Variants in LRFN5 observed in about 807,000 individuals in gnomAD.
The protein encoded by LRFN5 is leucine-rich repeat and fibronectin type-III domain-containing protein 5.
In LRFN5, 24 loss-of-function variants were observed where a neutral mutation model predicts 45.6. That is an observed-to-expected ratio of 0.53 (90% CI 0.38 to 0.74). The LOEUF (loss-of-function observed/expected upper bound fraction) is 0.74. Ranked by LOEUF, LRFN5 falls within the 30% of genes least tolerant of loss-of-function variation. The pLI, the probability that LRFN5 is intolerant of heterozygous loss-of-function variation, is 0.00. For synonymous variants in LRFN5, 340 were observed against 313.8 expected (o/e 1.08, Z -0.88); for missense variants, 776 against 861.5 (o/e 0.90, Z 1.24).
intron 2 of LRFN5, among the ~76,000 whole-genome samples, chr14:41,884,134 A>G (rs1469445490): frequency 6.6e-6 from 1 of 152,146 alleles, no homozygotes; most frequent in African/African-American, 2.4e-5. Context: ...TTTCAGTTTA[A>G]CAAGACTGTT....
intron 1 of LRFN5, among the ~76,000 whole-genome samples, chr14:41,617,213 C>T (rs1012581553): frequency 1.3e-5 from 2 of 152,056 alleles, no homozygotes; most frequent in Non-Finnish European, 2.9e-5. Context: ...TCATCTTCAT[C>T]ATATTCTGAG....
At chr14:41,777,982 A>G (rs897445523) in intron 2 of LRFN5, among the ~76,000 whole-genome samples, 1 of 141,462 alleles carries the variant, frequency 7.1e-6, no homozygotes, top group Admixed American at 7.3e-5. Context: ...AGAACCATTA[A>G]GAAGATGCAT....
chr14:41,894,189 G>C, intron 4 of LRFN5: 2 of 985,124 alleles, frequency 2.0e-6, no homozygotes. Flanking sequence ...CAAAGATAAG[G>C]ATGCTCTGAA....
intron 2 of LRFN5, among the ~76,000 whole-genome samples, chr14:41,772,800 C>A (rs775566233): frequency 1.3e-5 from 2 of 152,100 alleles, no homozygotes; most frequent in Non-Finnish European, 2.9e-5. Flanking sequence ...ATCATTTTGT[C>A]ATCTTTCTCA....
chr14:41,666,173 A>G (rs1445598017), intron 1 of LRFN5, among the ~76,000 whole-genome samples: 1 of 152,020 alleles, frequency 6.6e-6, no homozygotes, highest in Non-Finnish European at 1.5e-5. Flanking sequence ...GAATTTGTCT[A>G]GGTACCTTTG....
chr14:41,627,187 C>A (rs557547386), intron 1 of LRFN5, among the ~76,000 whole-genome samples: 50 of 151,784 alleles, frequency 3.3e-4, no homozygotes, highest in African/African-American at 1.2e-3. Flanking sequence ...TTAGCGTGTA[C>A]AATTTAGTGG....
At chr14:41,903,561 A>G (rs1891161865) in intron 5 of LRFN5, among the ~76,000 whole-genome samples, 1 of 151,746 alleles carries the variant, frequency 6.6e-6, no homozygotes, top group Non-Finnish European at 1.5e-5. Flanking sequence ...AAATATTTTT[A>G]TAAAATGGCT....
chr14:41,831,163 C>T (rs998294270), intron 2 of LRFN5, among the ~76,000 whole-genome samples: 2 of 152,090 alleles, frequency 1.3e-5, no homozygotes, highest in Admixed American at 1.3e-4. Context: ...ACATGCTAAC[C>T]TTCTCTCCAA....
At chr14:41,684,004 G>GAAA (rs1482427419) in intron 1 of LRFN5, among the ~76,000 whole-genome samples, 1 of 152,124 alleles carries the variant, frequency 6.6e-6, no homozygotes, top group African/African-American at 2.4e-5. Flanking sequence ...GTCATGAACA[G>GAAA]AAAGAATAAA....
intron 2 of LRFN5, among the ~76,000 whole-genome samples, chr14:41,782,885 G>A (rs1321532269): frequency 6.6e-6 from 1 of 150,718 alleles, no homozygotes; most frequent in Admixed American, 6.6e-5. Flanking sequence ...GATAGGGGAA[G>A]TCTTCTATAA....
intron 1 of LRFN5, among the ~76,000 whole-genome samples, chr14:41,616,013 G>T (rs1887915478): frequency 6.6e-6 from 1 of 151,978 alleles, no homozygotes; most frequent in Non-Finnish European, 1.5e-5. Context: ...TTGATCACAG[G>T]ATTAAACGTA....
chr14:41,660,211 TGAG>T (rs1880581626), intron 1 of LRFN5, among the ~76,000 whole-genome samples: 1 of 151,854 alleles, frequency 6.6e-6, no homozygotes, highest in African/African-American at 2.4e-5. Context: ...TTTTTAATAG[TGAG>T]GAGGTTTCTT....
intron 5 of LRFN5, among the ~76,000 whole-genome samples, chr14:41,901,432 TTG>T (rs3032306): frequency 0.57 from 84,059 of 147,750 alleles, 24,343 homozygotes; most frequent in Non-Finnish European, 0.64. Context: ...TATGTATGCA[TTG>T]TGTGTGTGTG....
intron 1 of LRFN5, among the ~76,000 whole-genome samples, chr14:41,629,553 T>C (rs777784298): frequency 2.0e-5 from 3 of 152,240 alleles, no homozygotes; most frequent in Admixed American, 2.0e-4. Context: ...GATACAAATA[T>C]TGTTCAAGGA....
chr14:41,704,973 T>A (rs1172428610), intron 1 of LRFN5, among the ~76,000 whole-genome samples: 2 of 152,182 alleles, frequency 1.3e-5, no homozygotes, highest in Admixed American at 6.5e-5. Context: ...AGTTTAATGA[T>A]GTGATGTATG....
chr14:41,737,671 A>G (rs1166995871), intron 1 of LRFN5, among the ~76,000 whole-genome samples: 3 of 152,186 alleles, frequency 2.0e-5, no homozygotes, highest in Non-Finnish European at 4.4e-5. Flanking sequence ...TACAAAATCA[A>G]TGTGCAAAAA....
rs192615267 is a variant in LRFN5 at position 41,821,154 on chromosome 14, G to A, written c.-21+54125G>A. On this transcript the variant is annotated intron_variant, in intron 2 of 5. Transcript: ENST00000298119. Reference sequence around the variant, plus strand: ...AGGTTTTCCAGTACAATGTATAATAGAAGTATGAAAGTGGGCATCTTTGTC... The same window carrying A: ...AGGTTTTCCAGTACAATGTATAATAAAAGTATGAAAGTGGGCATCTTTGTC... Among the ~76,000 whole-genome samples, 104 of 151,982 alleles carry A rather than the reference G, an allele frequency of 6.8e-4. 1 individual carries two copies. Among genetic ancestry groups the A allele is most frequent in the Non-Finnish European group, 1.2e-3 (84 of 67,898 alleles).
At chr14:41,829,731 T>C (rs2139030562) in intron 2 of LRFN5, among the ~76,000 whole-genome samples, 1 of 152,030 alleles carries the variant, frequency 6.6e-6, no homozygotes, top group South Asian at 2.1e-4. Context: ...TTAAACTATT[T>C]GCTTTTTTTT....
intron 1 of LRFN5, among the ~76,000 whole-genome samples, chr14:41,613,727 GA>G (rs372422625): frequency 2.0e-5 from 3 of 150,514 alleles, no homozygotes; most frequent in African/African-American, 4.9e-5. Context: ...TGAATTCTTA[GA>G]AAAAAAACAA....
Sources: gnomAD v4.1 joint callset for allele counts (sites outside exome capture counted in the v4.1 genomes callset) on GRCh38, gnomAD v4.1.1 for gene constraint, MANE v1.5 for transcripts, NCBI Gene and HGNC (gene_info 2026-07-23, HGNC 2026-07-21) for gene names.